The following RMDN2 variants were observed in gnomAD, a reference collection of about 807,000 sequenced individuals.
The protein encoded by RMDN2 is regulator of microtubule dynamics protein 2.
A neutral mutation model predicts 52.8 loss-of-function variants in RMDN2; 61 were observed. The ratio of observed to expected loss-of-function variants is 1.16; its 90% CI spans 0.94 to 1.43. RMDN2 has a LOEUF of 1.43. Ranked by LOEUF, RMDN2 falls within the 40% of genes most tolerant of loss-of-function variation. The pLI is 0.00. For missense variants in RMDN2, 592 were observed against 475.3 expected, an observed-to-expected ratio of 1.25 and a Z score of -2.28; for synonymous variants, 180 against 153.1, an observed-to-expected ratio of 1.18 and a Z score of -1.30.
At chr2:37,929,906 A>G (rs1340764688) in intron 2 of RMDN2, among the ~76,000 whole-genome samples, 177 bp downstream of exon 2, 1 of 152,264 alleles carries the variant, frequency 6.6e-6, no homozygotes, top group African/African-American at 2.4e-5. Context: ...TATTTAAGCT[A>G]GTTTAGACCA....
chr2:37,968,118 A>G (rs545358434), intron 2 of RMDN2, among the ~76,000 whole-genome samples: 73 of 152,312 alleles, frequency 4.8e-4, no homozygotes, highest in African/African-American at 1.6e-3. Flanking sequence ...CCACAAAGAT[A>G]TTTCAGAAAG....
At chr2:37,999,275 C>G (rs1332032095) in intron 8 of RMDN2, among the ~76,000 whole-genome samples, 1 of 148,340 alleles carries the variant, frequency 6.7e-6, no homozygotes, top group Admixed American at 6.6e-5. Context: ...ATTGCTTAAC[C>G]TCTCTCTCAG....
chr2:38,034,689 A>T (rs59602719), intron 10 of RMDN2, among the ~76,000 whole-genome samples: 13,810 of 151,514 alleles, frequency 0.091, 840 homozygotes, highest in African/African-American at 0.17. Flanking sequence ...TCGGTTGTAA[A>T]AATTGTCATC....
At chr2:37,974,011 G>A (rs776265157) in intron 2 of RMDN2, 29 bp from the exon 3 acceptor site, 5 of 1,560,832 alleles carry the variant, frequency 3.2e-6, no homozygotes, top group Non-Finnish European at 3.5e-6. Flanking sequence ...AACTTTCAAA[G>A]GAGTTGATGA....
intron 4 of RMDN2, chr2:37,976,422 C>T (rs1672473425): frequency 6.6e-6 from 1 of 152,172 alleles, no homozygotes; most frequent in South Asian, 2.1e-4. Context: ...GGCTTTTCTT[C>T]TAGAAAAGAT....
intron 7 of RMDN2, among the ~76,000 whole-genome samples, chr2:37,996,470 A>G (rs1675549617): frequency 6.6e-6 from 1 of 151,858 alleles, no homozygotes. Context: ...CTGTAGTTCC[A>G]ACTGTTCAGG....
In RMDN2 at chr2:37,951,708, A is replaced by C. The variant is rs962014959; in HGVS notation, c.452+21979A>C. On this transcript the variant is annotated intron_variant, in intron 2 of 10. Coordinates refer to ENST00000354545, the MANE Select transcript of RMDN2 (RefSeq NM_001170791.3). ...AAATGAAATCGAAATCTTTTCTAAA[A>C]CTTCAAGTAATACTGATGCTAAAAA... 10 of 1,612,504 alleles carry C rather than the reference A, an allele frequency of 6.2e-6. No homozygotes were observed. In the African/African-American group the frequency reaches 1.3e-4, roughly 22 times the overall value.
intron 2 of RMDN2, 100 bp downstream of exon 2, chr2:37,929,829 C>G: frequency 4.0e-6 from 3 of 748,706 alleles, no homozygotes; most frequent in Non-Finnish European, 4.2e-6. Context: ...TATCCTGCTG[C>G]TCACATAAAA....
At chr2:37,941,397 T>C (rs542418293) in intron 2 of RMDN2, among the ~76,000 whole-genome samples, 1 of 152,366 alleles carries the variant, frequency 6.6e-6, no homozygotes, top group Admixed American at 6.5e-5. Flanking sequence ...GGAGGCAGTC[T>C]GTCCCTTAGC....
exon 11 of RMDN2, chr2:38,067,104 T>A: frequency 9.8e-7 from 1 of 1,019,174 alleles, no homozygotes; most frequent in Non-Finnish European, 1.5e-6. Context: ...TTTTACCAAG[T>A]AAAAAGATTG....
chr2:38,024,743 C>G (rs557106861), intron 10 of RMDN2, among the ~76,000 whole-genome samples: 7 of 152,222 alleles, frequency 4.6e-5, no homozygotes, highest in Admixed American at 6.5e-5. Context: ...ATCTAATACT[C>G]TATAACATAT....
intron 10 of RMDN2, among the ~76,000 whole-genome samples, chr2:38,010,474 A>G (rs1387675087): frequency 6.6e-6 from 1 of 152,192 alleles, no homozygotes; most frequent in Non-Finnish European, 1.5e-5. Flanking sequence ...TGTGCTAGCA[A>G]TGAGCAAGGC....
chr2:37,926,962 C>A lies in RMDN2; in HGVS notation c.-17+1537C>A, dbSNP rs533921419. Among the ~76,000 whole-genome samples, 3 of 152,162 alleles carry A rather than the reference C, an allele frequency of 2.0e-5. No individual in the cohort carries two copies. In the South Asian group the frequency reaches 6.2e-4, roughly 32 times the overall value. ...AAAAAGCTATGTAAATGACTTCATA[C>A]AACCTTTGAAATTATTCTGAAGGCA... is the stretch of plus-strand genomic sequence containing the variant. On this transcript the variant is annotated intron_variant, in intron 1 of 10. Transcript: ENST00000354545.
downstream of RMDN2, among the ~76,000 whole-genome samples, chr2:38,017,927 C>T (rs1185557114): frequency 6.6e-6 from 1 of 151,550 alleles, no homozygotes; most frequent in African/African-American, 2.4e-5. Flanking sequence ...GGGCCTTGTT[C>T]TCTGCCTGGC....
Position 37,925,444 on chromosome 2 carries a change from A to T in RMDN2, c.-17+19A>T, listed in dbSNP as rs1219212822. 2.6e-5 allele frequency: 4 copies of T among 152,414 alleles called. No homozygotes were observed. The highest frequency in any genetic ancestry group is 2.6e-4 in the Admixed American group (4 of 15,308). The allele number at this position is 152,414 out of a possible 1,614,324, so 9.4% of individuals were successfully genotyped here. A position where few individuals can be genotyped will look rare whatever the true frequency, so the allele number is the denominator to read the frequency against. Reference sequence around the variant, plus strand: ...AACACAGGTGCGTGCGCAGTCTGGGAGGGGGCTGCTCAGCCGCTGGGGGCC... The same window carrying T: ...AACACAGGTGCGTGCGCAGTCTGGGTGGGGGCTGCTCAGCCGCTGGGGGCC... On this transcript the variant is annotated intron_variant, in intron 1 of 10. Coordinates refer to ENST00000354545, the MANE Select transcript of RMDN2 (RefSeq NM_001170791.3).
At chr2:37,994,942 A>G (rs909212627) in intron 7 of RMDN2, among the ~76,000 whole-genome samples, 1 of 152,180 alleles carries the variant, frequency 6.6e-6, no homozygotes, top group Non-Finnish European at 1.5e-5. Context: ...AAACTCTAGA[A>G]AAGGCAAATT....
In RMDN2 at chr2:38,004,177, C is replaced by T. The variant is rs766188567; in HGVS notation, c.1140C>T (p.Phe380=). The change falls in exon 10 of 11, where the codon TTC becomes TTT. Residue 380 remains phenylalanine, a synonymous_variant. Transcript: ENST00000354545. ...AGGAAAACCAGAATGCTTTGAAGTT[C>T]TGTAATTTGGCTTTATTGCTTCCTA... ...DLEENQNALK[F]CNLALLLPTV... 1.2e-6 allele frequency: 2 copies of T among 1,613,758 alleles called. No homozygotes were observed. Among genetic ancestry groups the T allele is most frequent in the Non-Finnish European group, 8.5e-7 (1 of 1,179,830 alleles).
chr2:37,953,774 T>C (rs1301062915), intron 2 of RMDN2, among the ~76,000 whole-genome samples: 1 of 152,034 alleles, frequency 6.6e-6, no homozygotes, highest in African/African-American at 2.4e-5. Flanking sequence ...ACCATATTGT[T>C]TTCCATAGTG....
intron 2 of RMDN2, among the ~76,000 whole-genome samples, chr2:37,944,919 G>A (rs186464344): frequency 6.6e-6 from 1 of 152,150 alleles, no homozygotes; most frequent in African/African-American, 2.4e-5. Context: ...CAGGAAAAGG[G>A]CCTTTTTAAA....
Sources: gnomAD v4.1 joint callset for allele counts (sites outside exome capture counted in the v4.1 genomes callset) on GRCh38, gnomAD v4.1.1 for gene constraint, MANE v1.5 for transcripts, NCBI Gene and HGNC (gene_info 2026-07-23, HGNC 2026-07-21) for gene names.